Variants in ZNG1F observed in about 807,000 individuals in gnomAD.
ZNG1F encodes the protein Zn regulated GTPase metalloprotein activator 1F, also known as zinc-regulated GTPase metalloprotein activator 1F.
the ZNG1F span, among the ~76,000 whole-genome samples, chr9:41,173,795 C>T: frequency 0.015 from 1,933 of 132,238 alleles, no homozygotes; most frequent in African/African-American, 0.025. Context: ...AGTTCCACCA[C>T]TGTCTGGGGT....
the ZNG1F span, chr9:41,158,350 T>C: frequency 2.3e-5 from 3 of 133,064 alleles, no homozygotes; most frequent in Non-Finnish European, 4.8e-5. Flanking sequence ...AAGATAAAAA[T>C]AAATAAAAAT....
At chr9:41,165,058 A>G in the ZNG1F span, 4 of 1,580,154 alleles carry the variant, frequency 2.5e-6, 1 homozygote, top group East Asian at 6.8e-5. Context: ...TGTTTTATTA[A>G]TGAGAATGAT....
At chr9:41,202,232 T>G in the ZNG1F span, among the ~76,000 whole-genome samples, 1 of 146,432 alleles carries the variant, frequency 6.8e-6, no homozygotes, top group Non-Finnish European at 1.5e-5. Flanking sequence ...AGAATGTAAA[T>G]GTTCATTTCA....
At chr9:41,156,088 T>G in the ZNG1F span, among the ~76,000 whole-genome samples, 4 of 128,580 alleles carry the variant, frequency 3.1e-5, no homozygotes, top group Admixed American at 1.6e-4. Flanking sequence ...TCTATGTATT[T>G]CATGCATTTT....
the ZNG1F span, among the ~76,000 whole-genome samples, chr9:41,171,673 G>C: frequency 1.1e-3 from 77 of 68,890 alleles, no homozygotes; most frequent in African/African-American, 4.5e-3. Context: ...ATCGCTTGAA[G>C]CTGGGAGGTG....
At chr9:41,137,448 GGTT>G in the ZNG1F span, among the ~76,000 whole-genome samples, 14,355 of 148,838 alleles carry the variant, frequency 0.096, 1,278 homozygotes, top group East Asian at 0.17. Context: ...TATATTCTGT[GGTT>G]GTTGCATGGA....
the ZNG1F span, among the ~76,000 whole-genome samples, chr9:41,204,895 T>C: frequency 1.3e-5 from 2 of 149,680 alleles, no homozygotes; most frequent in African/African-American, 2.4e-5. Context: ...TGAGTTATAA[T>C]TTTTAATGTT....
At chr9:41,150,021 C>T in the ZNG1F span, among the ~76,000 whole-genome samples, 412 of 46,550 alleles carry the variant, frequency 8.9e-3, 1 homozygote, top group Non-Finnish European at 0.017. Flanking sequence ...GCGTGAGAGA[C>T]GCAGAAGACA....
At chr9:41,202,157 G>A in the ZNG1F span, among the ~76,000 whole-genome samples, 1 of 146,042 alleles carries the variant, frequency 6.8e-6, no homozygotes, top group Non-Finnish European at 1.5e-5. Flanking sequence ...AACAGCAAAA[G>A]GGGGTGCACA....
chr9:41,150,335 C>T, the ZNG1F span, among the ~76,000 whole-genome samples: 2 of 150,636 alleles, frequency 1.3e-5, no homozygotes, highest in Admixed American at 1.3e-4. Context: ...CCCACGGAGT[C>T]TCGCGGATTG....
chr9:41,166,513 AT>A, the ZNG1F span, among the ~76,000 whole-genome samples: 1 of 141,022 alleles, frequency 7.1e-6, no homozygotes, highest in Non-Finnish European at 1.5e-5. Flanking sequence ...ACAAGAAAAT[AT>A]TTTTAAATGT....
chr9:41,184,164 G>A, the ZNG1F span, among the ~76,000 whole-genome samples: 1 of 151,048 alleles, frequency 6.6e-6, no homozygotes, highest in African/African-American at 2.4e-5. Context: ...TTTGGCCAGT[G>A]TACCATGTGC....
At chr9:41,139,767 C>T in the ZNG1F span, among the ~76,000 whole-genome samples, 1 of 151,556 alleles carries the variant, frequency 6.6e-6, no homozygotes, top group South Asian at 2.1e-4. Flanking sequence ...AATATACATA[C>T]AACCAAATAT....
the ZNG1F span, among the ~76,000 whole-genome samples, chr9:41,138,845 A>G: frequency 1.9e-4 from 24 of 127,600 alleles, no homozygotes; most frequent in African/African-American, 7.3e-4. Context: ...TATTTATGCT[A>G]TCTAGTTCAT....
At chr9:41,166,443 TACA>T in the ZNG1F span, among the ~76,000 whole-genome samples, 3 of 29,214 alleles carry the variant, frequency 1.0e-4, no homozygotes, top group African/African-American at 2.6e-4. Flanking sequence ...ATTATTATTA[TACA>T]TATATATATA....
the ZNG1F span, among the ~76,000 whole-genome samples, chr9:41,187,139 A>C: frequency 6.8e-6 from 1 of 147,762 alleles, no homozygotes; most frequent in Non-Finnish European, 1.5e-5. Flanking sequence ...GAAAAAAAAA[A>C]CACTTTAAGA....
chr9:41,184,018 T>G, the ZNG1F span, among the ~76,000 whole-genome samples: 22,081 of 149,040 alleles, frequency 0.15, 837 homozygotes, highest in Middle Eastern at 0.22. Context: ...TATACTGGAT[T>G]CTGTATGCCC....
At chr9:41,152,454 G>A in the ZNG1F span, among the ~76,000 whole-genome samples, 1 of 145,026 alleles carries the variant, frequency 6.9e-6, no homozygotes, top group Non-Finnish European at 1.5e-5. Flanking sequence ...GAGACAGAAA[G>A]TCAACAAGGA....
the ZNG1F span, among the ~76,000 whole-genome samples, chr9:41,180,144 G>T: frequency 1.6e-5 from 1 of 62,594 alleles, no homozygotes; most frequent in Admixed American, 2.1e-4. Flanking sequence ...ACATTTTATA[G>T]ACTACAGTAT....
Sources: allele counts gnomAD v4.1 joint callset (sites outside exome capture counted in the v4.1 genomes callset), GRCh38; gene constraint gnomAD v4.1.1; transcripts MANE v1.5; gene names NCBI Gene and HGNC (gene_info 2026-07-23, HGNC 2026-07-21).